Variants in NGEF observed in about 807,000 individuals in gnomAD.
NGEF encodes the protein neuronal guanine nucleotide exchange factor.
NGEF carries 31 observed loss-of-function variants against 80.9 expected under a neutral mutation model. The observed-to-expected ratio is 0.38, with a 90% confidence interval of 0.29 to 0.52. NGEF has a LOEUF of 0.52. NGEF is among the 20% of genes least tolerant of loss of function. The probability of loss-of-function intolerance (pLI) is 0.84; values close to 1 mark genes in which losing one functional copy is unlikely to be tolerated. For synonymous variants in NGEF, 371 were observed against 370.2 expected (o/e 1.00, Z -0.03); for missense variants, 709 against 926.2 (o/e 0.77, Z 3.04).
At chr2:232,926,723 G>A (rs150042433) in intron 4 of NGEF, among the ~76,000 whole-genome samples, 2 of 152,300 alleles carry the variant, frequency 1.3e-5, no homozygotes, top group East Asian at 3.9e-4. Context: ...CAGCTCAGCC[G>A]CGCTGCTTCA....
chr2:232,984,402 T>C (rs1245451422), intron 1 of NGEF, among the ~76,000 whole-genome samples: 1 of 152,156 alleles, frequency 6.6e-6, no homozygotes, highest in African/African-American at 2.4e-5. Context: ...TGAAATTAAC[T>C]TTAAACCTAG....
At chr2:232,937,185 C>G (rs766918832) in intron 3 of NGEF, among the ~76,000 whole-genome samples, 4 of 152,108 alleles carry the variant, frequency 2.6e-5, no homozygotes, top group African/African-American at 7.2e-5. Context: ...CCAGGCTGGT[C>G]TTGAACTCCT....
rs374644683 is a variant in NGEF at position 232,946,872 on chromosome 2, A to C, written c.384-19686T>G. On this transcript the variant is annotated intron_variant, in intron 3 of 14. Coordinates refer to ENST00000264051, the MANE Select transcript of NGEF (RefSeq NM_019850.3). The stretch of plus-strand genomic sequence containing the variant: ...ATCATGGATTAAAACACATTGAATT[A>C]AAAATACAATGACCATGAGTCCATA... 3.2e-4 allele frequency among the ~76,000 whole-genome samples: 48 copies of C among 152,336 alleles called. 1 individual carries two copies. Among genetic ancestry groups the C allele is most frequent in the African/African-American group, 1.0e-3 (43 of 41,578 alleles).
chr2:232,902,327 A>G (rs4973569), intron 5 of NGEF, among the ~76,000 whole-genome samples: 33,558 of 152,226 alleles, frequency 0.22, 4,241 homozygotes, highest in Non-Finnish European at 0.29. Context: ...GTCGGACTCC[A>G]GAGCCAGAGC....
chr2:232,948,408 G>T (rs973802608), intron 3 of NGEF, among the ~76,000 whole-genome samples: 1 of 152,058 alleles, frequency 6.6e-6, no homozygotes, highest in African/African-American at 2.4e-5. Flanking sequence ...TGTGATAATG[G>T]CACTGTGGTT....
intron 2 of NGEF, among the ~76,000 whole-genome samples, chr2:232,972,304 G>A (rs1256099943): frequency 6.6e-6 from 1 of 152,136 alleles, no homozygotes; most frequent in Non-Finnish European, 1.5e-5. Context: ...CTATTTCATC[G>A]ATATTTTTTA....
intron 3 of NGEF, among the ~76,000 whole-genome samples, chr2:232,941,468 C>T (rs1343178573): frequency 6.6e-6 from 1 of 152,210 alleles, no homozygotes; most frequent in Non-Finnish European, 1.5e-5. Context: ...AAAGTTAGTT[C>T]AGCCTACGCC....
intron 14 of NGEF, 94 bp downstream of exon 14, chr2:232,881,052 T>G: frequency 5.2e-6 from 5 of 957,346 alleles, no homozygotes; most frequent in Non-Finnish European, 8.2e-6. Flanking sequence ...CACCAGCCTG[T>G]CAGACAGTGG....
rs762429106 is a variant in NGEF, at chr2:232,879,630, G to A, written c.1992C>T (p.Pro664=). ...RLHDQERGWF[P]SSMTEEILNP... is the part of the protein sequence containing the mutation. ...TCAAGATCTCCTCAGTCATGGAGCTGGGGAACCAGCCTCTCTCCTGGTCGT... is the reference window on the plus strand; with the variant it reads ...TCAAGATCTCCTCAGTCATGGAGCTAGGGAACCAGCCTCTCTCCTGGTCGT... Residue 664 remains proline, a synonymous_variant, in exon 15 of 15, where the codon CCC becomes CCT. Transcript: ENST00000264051. 4 of 1,613,502 alleles carry A rather than the reference G, an allele frequency of 2.5e-6. No homozygotes were observed. In the East Asian group the frequency reaches 8.9e-5, roughly 36 times the overall value.
At chr2:233,010,049 C>G (rs1695170143) in intron 1 of NGEF, among the ~76,000 whole-genome samples, 1 of 152,180 alleles carries the variant, frequency 6.6e-6, no homozygotes, top group African/African-American at 2.4e-5. Flanking sequence ...AGGGGTCCAC[C>G]ACCATGCCAA....
chr2:232,970,043 T>C, intron 3 of NGEF, 171 bp downstream of exon 3: 1 of 398,262 alleles, frequency 2.5e-6, no homozygotes, highest in Admixed American at 4.8e-5. Flanking sequence ...AAAACAAAAG[T>C]TTTTTTTAAA....
intron 1 of NGEF, among the ~76,000 whole-genome samples, chr2:233,006,245 C>T (rs1474768121): frequency 6.6e-6 from 1 of 152,208 alleles, no homozygotes; most frequent in African/African-American, 2.4e-5. Context: ...ACTCTTTCCA[C>T]ACCAGCATTT....
chr2:232,994,372 A>C (rs1694735210), intron 1 of NGEF, among the ~76,000 whole-genome samples: 1 of 8,148 alleles, frequency 1.2e-4, no homozygotes, highest in Non-Finnish European at 2.4e-4. Flanking sequence ...TTTGTCTCAA[A>C]AAAAAAAAAA....
chr2:232,938,467 G>C (rs1693373870), intron 3 of NGEF, among the ~76,000 whole-genome samples: 1 of 152,150 alleles, frequency 6.6e-6, no homozygotes, highest in South Asian at 2.1e-4. Context: ...CTGAGATATG[G>C]GTTTCTCTGG....
rs575999100 is a variant in NGEF at position 232,924,648 on chromosome 2, C to T, written c.526+2396G>A. ...ATGGCAGCCATCTTGTAACACAAGG[C>T]CCACCTGGAGGAGGCAAAGCAGCCA... On this transcript the variant is annotated intron_variant, in intron 4 of 14. Transcript: ENST00000264051. Among the ~76,000 whole-genome samples the T allele has an allele frequency of 1.1e-4, 17 of 152,304 alleles. No individual in the cohort carries two copies. The South Asian group carries it at 3.5e-3, about 32-fold the overall frequency.
chr2:232,972,603 A>T (rs1240480818), intron 2 of NGEF, among the ~76,000 whole-genome samples: 1 of 152,074 alleles, frequency 6.6e-6, no homozygotes, highest in Non-Finnish European at 1.5e-5. Context: ...TGTGGGCCTC[A>T]GTTGTTTATT....
At chr2:232,963,280 A>G (rs1177985657) in intron 3 of NGEF, among the ~76,000 whole-genome samples, 4 of 151,980 alleles carry the variant, frequency 2.6e-5, no homozygotes, top group Non-Finnish European at 2.9e-5. Context: ...AAAAGTACCA[A>G]TGCAGCTCTT....
chr2:232,957,908 A>G (rs1693863516), intron 3 of NGEF, among the ~76,000 whole-genome samples: 1 of 152,260 alleles, frequency 6.6e-6, no homozygotes. Flanking sequence ...GCTGAAAATA[A>G]GATAGAGCTG....
chr2:232,882,701 C>T lies in NGEF; in HGVS notation c.1758-436G>A, dbSNP rs191680434. 3.6e-3 allele frequency among the ~76,000 whole-genome samples: 550 copies of T among 152,336 alleles called. 4 individuals are homozygous for T. The highest frequency in any genetic ancestry group is 0.013 in the African/African-American group (528 of 41,580). ...TATCTGGTGAGTTGTGGGTAAGGGG[C>T]AGCTTCGGGGCCACGACGGGAGGAG... On this transcript the variant is annotated intron_variant, in intron 12 of 14. Transcript: ENST00000264051.
Sources: gnomAD v4.1 joint callset for allele counts (sites outside exome capture counted in the v4.1 genomes callset) on GRCh38, gnomAD v4.1.1 for gene constraint, MANE v1.5 for transcripts, NCBI Gene and HGNC (gene_info 2026-07-23, HGNC 2026-07-21) for gene names.